The following ITGA11 variants were observed in gnomAD, a reference collection of about 807,000 sequenced individuals.
The protein encoded by ITGA11 is integrin alpha-11.
In ITGA11, 97 loss-of-function variants were observed where a neutral mutation model predicts 141.9. The observed-to-expected ratio is 0.68, with a 90% confidence interval of 0.58 to 0.81. ITGA11 has a LOEUF of 0.81. Ranked by LOEUF, ITGA11 falls within the 30% of genes least tolerant of loss-of-function variation. The pLI is 0.00. For synonymous variants in ITGA11, 658 were observed against 624.6 expected (o/e 1.05, Z -0.80); for missense variants, 1,387 against 1,559.2 (o/e 0.89, Z 1.86).
rs775122016 is a variant in ITGA11 at position 68,361,717 on chromosome 15, G to T, written c.358-13C>A. 1.9e-6 allele frequency: 3 copies of T among 1,555,552 alleles called. No individual in the cohort carries two copies. The highest frequency in any genetic ancestry group is 2.6e-6 in the Non-Finnish European group (3 of 1,136,666). On this transcript the variant is annotated splice_polypyrimidine_tract_variant and intron_variant, in intron 4 of 29. Coordinates refer to ENST00000315757, the MANE Select transcript of ITGA11 (RefSeq NM_001004439.2). ...GGGGGCTGCAGGCCTGGGGAGGGCA[G>T]TGCAGATCCCCAGTCAGTGAGGGGA... is the stretch of plus-strand genomic sequence containing the variant.
intron 1 of ITGA11, among the ~76,000 whole-genome samples, chr15:68,404,487 C>T (rs1277178184): frequency 6.6e-6 from 1 of 152,168 alleles, no homozygotes; most frequent in East Asian, 1.9e-4. Context: ...CAAGAAACAA[C>T]AAAATAGCAC....
At chr15:68,403,698 G>A (rs11630750) in intron 1 of ITGA11, among the ~76,000 whole-genome samples, 49,731 of 151,320 alleles carry the variant, frequency 0.33, 8,359 homozygotes, top group African/African-American at 0.36. Flanking sequence ...ACAGTGGCTC[G>A]GTCTTGGCTC....
intron 2 of ITGA11, among the ~76,000 whole-genome samples, chr15:68,400,130 G>A (rs1415788119): frequency 6.6e-6 from 1 of 152,042 alleles, no homozygotes; most frequent in Non-Finnish European, 1.5e-5. Flanking sequence ...ATGGTCACCC[G>A]ATTTTCAACA....
At chr15:68,311,582 C>G (rs182797414) in intron 24 of ITGA11, among the ~76,000 whole-genome samples, 179 bp from the exon 25 acceptor site, 1 of 152,074 alleles carries the variant, frequency 6.6e-6, no homozygotes, top group Non-Finnish European at 1.5e-5. Flanking sequence ...AAATTGTGGC[C>G]GGGGACTGCA....
chr15:68,425,423 C>A (rs1897120013), intron 1 of ITGA11, among the ~76,000 whole-genome samples: 1 of 152,178 alleles, frequency 6.6e-6, no homozygotes, highest in Non-Finnish European at 1.5e-5. Flanking sequence ...CTCAGAGAAC[C>A]CTGTCTACAA....
rs767161650 is a variant in ITGA11, at chr15:68,313,881, C to T, written c.2793-13G>A. Reference sequence around the variant, plus strand: ...CTCATTACTGTCACTGCAAGGAGAGCCAGGCGGCAAGGTCAGGAAGGGGCT... The same window carrying T: ...CTCATTACTGTCACTGCAAGGAGAGTCAGGCGGCAAGGTCAGGAAGGGGCT... On this transcript the variant is annotated splice_polypyrimidine_tract_variant and intron_variant, in intron 22 of 29. Coordinates refer to ENST00000315757, the MANE Select transcript of ITGA11 (RefSeq NM_001004439.2). The T allele has an allele frequency of 5.0e-6, 8 of 1,611,738 alleles. No individual in the cohort carries two copies. The highest frequency in any genetic ancestry group is 3.4e-6 in the Non-Finnish European group (4 of 1,178,078).
intron 1 of ITGA11, among the ~76,000 whole-genome samples, chr15:68,406,049 G>A (rs1192821060): frequency 6.6e-6 from 1 of 152,140 alleles, no homozygotes; most frequent in African/African-American, 2.4e-5. Flanking sequence ...AGGAAAGTAT[G>A]TTCTAGCTGT....
chr15:68,400,636 ATAATATTATATATTATATAATAAAT>A (rs1896453322), intron 2 of ITGA11, among the ~76,000 whole-genome samples: 1 of 71,174 alleles, frequency 1.4e-5, no homozygotes, highest in Non-Finnish European at 2.4e-5. Context: ...AATAAATATT[ATAATATTATATATTATATAATAAAT>A]ATATTATATA....
intron 3 of ITGA11, chr15:68,365,100 G>T: frequency 1.0e-6 from 1 of 971,832 alleles, no homozygotes; most frequent in Non-Finnish European, 1.2e-6. Context: ...CATCCGACTG[G>T]AGCCCCACTT....
chr15:68,427,963 C>G (rs909883456), intron 1 of ITGA11, among the ~76,000 whole-genome samples: 1 of 152,062 alleles, frequency 6.6e-6, no homozygotes, highest in Non-Finnish European at 1.5e-5. Flanking sequence ...AGCAGAGATA[C>G]CATTTTTGAA....
chr15:68,315,680 G>A lies in ITGA11; in HGVS notation c.2763C>T (p.His921=). The part of the protein sequence containing the change: ...DFEFSKSIFL[H]HLEIELAAGS... ...CTGCAGCGAGCTCGATCTCCAGGTG[G>A]TGTAGGAAGATGGATTTGCTGAACT... Residue 921 remains histidine (H), a synonymous_variant, in exon 22 of 30, where the codon CAC becomes CAT. Coordinates refer to ENST00000315757, the MANE Select transcript of ITGA11 (RefSeq NM_001004439.2). 6.2e-7 allele frequency: 1 copy of A among 1,613,520 alleles called. No homozygotes were observed. The highest frequency in any genetic ancestry group is 2.2e-5 in the East Asian group (1 of 44,874).
In ITGA11 at chr15:68,328,859, C is replaced by G. The variant is rs966448270; in HGVS notation, c.1902-597G>C. 6.6e-6 allele frequency among the ~76,000 whole-genome samples: 1 copy of G among 152,146 alleles called. No homozygotes were observed. Among genetic ancestry groups the G allele is most frequent in the Non-Finnish European group, 1.5e-5 (1 of 68,030 alleles). On this transcript the variant is annotated intron_variant, in intron 15 of 29. Transcript: ENST00000315757. The surrounding 1 kb of genome is among the most constrained non-coding windows in gnomAD (Gnocchi z 4.8). ...TCGAAGAGCGAGGCGTTAAAGCACCCCAGGTGATTCCAACGTGCAGCCAGC... is the reference window on the plus strand; with the variant it reads ...TCGAAGAGCGAGGCGTTAAAGCACCGCAGGTGATTCCAACGTGCAGCCAGC...
intron 21 of ITGA11, among the ~76,000 whole-genome samples, chr15:68,316,611 C>A (rs960307200): frequency 6.6e-6 from 1 of 152,244 alleles, no homozygotes; most frequent in Non-Finnish European, 1.5e-5. Flanking sequence ...CTCATCCCCA[C>A]TCCCATTTCT....
At position 68,329,266 on chromosome 15, in the gene ITGA11, G is replaced by A. The variant is rs1463240463; in HGVS notation, c.1902-1004C>T. 3.3e-5 allele frequency among the ~76,000 whole-genome samples: 5 copies of A among 152,224 alleles called. No homozygotes were observed. In the East Asian group the frequency reaches 9.7e-4, roughly 29 times the overall value. On this transcript the variant is annotated intron_variant, in intron 15 of 29. Coordinates refer to ENST00000315757, the MANE Select transcript of ITGA11 (RefSeq NM_001004439.2). ...TGTAGAGTGCTGTGTCAACATAGTG[G>A]GTTACATCTGAAGTTCTCAAACTTG...
chr15:68,356,404 G>A (rs1197205224), intron 7 of ITGA11, among the ~76,000 whole-genome samples: 4 of 151,984 alleles, frequency 2.6e-5, no homozygotes, highest in African/African-American at 9.7e-5. Context: ...ACTCCTGGCC[G>A]AGTTCTGGTG....
intron 12 of ITGA11, 66 bp from the exon 13 acceptor site, chr15:68,332,544 C>T (rs1894211556): frequency 6.5e-7 from 1 of 1,542,732 alleles, no homozygotes; most frequent in Non-Finnish European, 8.8e-7. Context: ...GAGCCCTCGC[C>T]TCGCGGGCAG....
rs1894316012 is a variant in ITGA11 at position 68,335,426 on chromosome 15, T to C, written c.1425+271A>G. 6.6e-6 allele frequency among the ~76,000 whole-genome samples: 1 copy of C among 152,204 alleles called. No homozygotes were observed. The highest frequency in any genetic ancestry group is 6.5e-5 in the Admixed American group (1 of 15,280). On this transcript the variant is annotated intron_variant, in intron 12 of 29. Coordinates refer to ENST00000315757, the MANE Select transcript of ITGA11 (RefSeq NM_001004439.2). This position sits in a 1 kb window ranked among gnomAD's most constrained non-coding sequence, Gnocchi z 4.9. The stretch of plus-strand genomic sequence containing the variant: ...CAGCACAGTCTGGTTGCCAACCACC[T>C]CCCTGTGGGGCAATGGCATTGGCAG...
chr15:68,326,553 G>T lies in ITGA11; in HGVS notation c.2211+101C>A, dbSNP rs1047429771. 2 of 1,354,310 alleles carry T rather than the reference G, an allele frequency of 1.5e-6. No individual in the cohort carries two copies. Among genetic ancestry groups the T allele is most frequent in the East Asian group, 5.1e-5 (2 of 39,520 alleles). The allele number at this position is 1,354,310 out of a possible 1,614,324, so 83.9% of individuals were successfully genotyped here. A position where few individuals can be genotyped will look rare whatever the true frequency, so the allele number is the denominator to read the frequency against. ...GTCCCTGGCTGGCTTCCTGAGGTCT[G>T]CTGGGGGCTTAGAACCAGCCAGGCA... On this transcript the variant is annotated intron_variant, in intron 17 of 29. Transcript: ENST00000315757. The surrounding 1 kb of genome is among the most constrained non-coding windows in gnomAD (Gnocchi z 6.8).
Position 68,320,219 on chromosome 15 carries a change from G to A in ITGA11, c.2582C>T (p.Ser861Leu). 7 of 1,614,018 alleles carry A rather than the reference G, an allele frequency of 4.3e-6. No individual in the cohort carries two copies. The highest frequency in any genetic ancestry group is 2.2e-5 in the East Asian group (1 of 44,884). The part of the protein sequence containing the change: ...AYSTVLNISQ[S>L]ANLQFASLIQ... ...CAAGCTGGCAAACTGCAGGTTTGCT[G>A]ACTGCGAGATATTTAGGACCGTGCT... The change falls in exon 20 of 30, where the codon TCA (serine) becomes TTA (leucine). Residue 861 changes from serine (S) to leucine (L), a missense_variant. Ser to Leu is a moderately radical substitution (Grantham distance 145). Transcript: ENST00000315757.
Sources: allele counts gnomAD v4.1 joint callset (sites outside exome capture counted in the v4.1 genomes callset), GRCh38; gene constraint gnomAD v4.1.1; non-coding constraint Gnocchi (gnomAD v3.1); transcripts MANE v1.5; gene names NCBI Gene and HGNC (gene_info 2026-07-23, HGNC 2026-07-21).